PAX5: variants seen among roughly 807,000 people sequenced by gnomAD.
PAX5 encodes the protein paired box 5, also known as paired box protein Pax-5.
Under a neutral mutation model 43.7 loss-of-function variants are expected in PAX5, and 9 were observed. The ratio of observed to expected loss-of-function variants is 0.21; its 90% CI spans 0.12 to 0.36. The LOEUF is 0.36. Ranked by LOEUF, PAX5 falls within the 10% of genes least tolerant of loss-of-function variation. The pLI, the probability that PAX5 is intolerant of heterozygous loss-of-function variation, is 1.00. For synonymous variants in PAX5, 228 were observed against 214.3 expected (o/e 1.06, Z -0.56); for missense variants, 383 against 532.7 (o/e 0.72, Z 2.77).
Position 37,015,585 on chromosome 9 carries a change from T to C in PAX5, c.213-391A>G, listed in dbSNP as rs1839313075. On this transcript the variant is annotated intron_variant, in intron 2 of 9. Transcript: ENST00000358127. The surrounding 1 kb of genome is among the most constrained non-coding windows in gnomAD (Gnocchi z 4.4). ...CATACACAGCTCTCATAGTATTTCT[T>C]TTTTTTTTTTTCAGACGGAGTTTCG... 6.8e-6 allele frequency among the ~76,000 whole-genome samples: 1 copy of C among 146,230 alleles called. No homozygotes were observed. Among genetic ancestry groups the C allele is most frequent in the South Asian group, 2.2e-4 (1 of 4,528 alleles).
Position 36,840,534 on chromosome 9 carries a change from G to C in PAX5, c.*26C>G. On this transcript the variant is annotated 3_prime_UTR_variant, in exon 10 of 10. Transcript: ENST00000358127. ...GTCACCCTCAATAGGTGCCATCAGT[G>C]TTTGGTGCCCGCCTGGCTCCAAGGG... The C allele has an allele frequency of 6.4e-7, 1 of 1,568,272 alleles. No individual in the cohort carries two copies.
intron 6 of PAX5, among the ~76,000 whole-genome samples, chr9:36,939,307 G>T (rs1012608332): frequency 1.3e-5 from 2 of 152,124 alleles, no homozygotes; most frequent in African/African-American, 4.8e-5. Context: ...TTAAAGCCCT[G>T]GGGGATGCCC....
chr9:36,864,723 C>A (rs1010617732), intron 8 of PAX5, among the ~76,000 whole-genome samples: 1 of 152,222 alleles, frequency 6.6e-6, no homozygotes, highest in African/African-American at 2.4e-5. Context: ...CCCCTGGGAG[C>A]CTGCCGCCAG....
rs1821464836 is a variant in PAX5, at chr9:36,834,065, C to G, written c.*6495G>C. 8.6e-6 allele frequency: 2 copies of G among 233,130 alleles called. No homozygotes were observed. Among genetic ancestry groups the G allele is most frequent in the Non-Finnish European group, 1.7e-5 (2 of 118,014 alleles). The allele number at this position is 233,130 out of a possible 1,614,324, so 14.4% of individuals were successfully genotyped here. ...AATGTAATCTGCATTTCTACAAATA[C>G]TCAATGTCCAAGGCCACTAGAGGGT... On this transcript the variant is annotated 3_prime_UTR_variant, in exon 10 of 10. Coordinates refer to ENST00000358127, the MANE Select transcript of PAX5 (RefSeq NM_016734.3).
At chr9:36,983,816 C>T (rs763179418) in intron 5 of PAX5, among the ~76,000 whole-genome samples, 3 of 152,130 alleles carry the variant, frequency 2.0e-5, no homozygotes, top group Admixed American at 6.6e-5. Context: ...TTCCAAGGCG[C>T]CTCCAGTTCT....
intron 5 of PAX5, among the ~76,000 whole-genome samples, chr9:36,970,739 A>G (rs1161591088): frequency 6.6e-6 from 1 of 152,132 alleles, no homozygotes. Flanking sequence ...ATTGTTCTCC[A>G]GACACAGCCA....
chr9:36,981,185 G>GCC (rs55996619), intron 5 of PAX5, among the ~76,000 whole-genome samples: 176 of 106,448 alleles, frequency 1.7e-3, no homozygotes, highest in African/African-American at 3.3e-3. Context: ...AAACAGCAAA[G>GCC]CCCCCCCCCC....
At chr9:36,849,530 G>A (rs1005096377) in intron 8 of PAX5, among the ~76,000 whole-genome samples, 5 of 152,226 alleles carry the variant, frequency 3.3e-5, no homozygotes, top group Admixed American at 2.6e-4. Flanking sequence ...ATGAATGAAC[G>A]AATGAGACTC....
intron 2 of PAX5, among the ~76,000 whole-genome samples, chr9:37,017,572 G>A (rs1175534657): frequency 1.3e-5 from 2 of 152,222 alleles, no homozygotes; most frequent in African/African-American, 4.8e-5. Context: ...TCTCAGGGAA[G>A]GGGTTACAGA....
In PAX5 at chr9:36,837,481, C is replaced by T. The variant is rs570804240; in HGVS notation, c.*3079G>A. Reference sequence around the variant, plus strand: ...AGGGAAGAAGGCCCATGGAGAAATGCCCCAGGCCTTCTGCCACGATGCTGG... The same window carrying T: ...AGGGAAGAAGGCCCATGGAGAAATGTCCCAGGCCTTCTGCCACGATGCTGG... On this transcript the variant is annotated 3_prime_UTR_variant, in exon 10 of 10. Transcript: ENST00000358127. 8.6e-6 allele frequency: 2 copies of T among 233,280 alleles called. No homozygotes were observed. Among genetic ancestry groups the T allele is most frequent in the East Asian group, 6.0e-5 (1 of 16,588 alleles). The allele number at this position is 233,280 out of a possible 1,614,324, so 14.5% of individuals were successfully genotyped here. A position where few individuals can be genotyped will look rare whatever the true frequency, so the allele number is the denominator to read the frequency against.
intron 6 of PAX5, among the ~76,000 whole-genome samples, chr9:36,964,836 A>G (rs949852865): frequency 2.6e-5 from 4 of 152,174 alleles, no homozygotes; most frequent in Non-Finnish European, 5.9e-5. Context: ...GCCCAGCACC[A>G]TAACCATGTC....
intron 8 of PAX5, among the ~76,000 whole-genome samples, chr9:36,876,125 G>C (rs762523836): frequency 1.3e-5 from 2 of 152,220 alleles, no homozygotes; most frequent in African/African-American, 2.4e-5. Flanking sequence ...AGGTGCTGAG[G>C]TGGGAAGGAG....
chr9:36,923,245 AC>A (rs1830326385), intron 7 of PAX5, 109 bp downstream of exon 7: 1 of 1,414,898 alleles, frequency 7.1e-7, no homozygotes, highest in African/African-American at 1.4e-5. Context: ...CCTTGTTAAA[AC>A]AAAATTGGCC....
intron 1 of PAX5, among the ~76,000 whole-genome samples, chr9:37,021,400 G>C (rs1447476339): frequency 1.3e-5 from 2 of 152,086 alleles, no homozygotes; most frequent in Admixed American, 1.3e-4. Context: ...CCTTTAAGAA[G>C]GTGAGGTTGA....
At chr9:36,872,770 C>G (rs1001598878) in intron 8 of PAX5, among the ~76,000 whole-genome samples, 4 of 152,220 alleles carry the variant, frequency 2.6e-5, no homozygotes, top group Non-Finnish European at 4.4e-5. Context: ...CTCGTCCCCC[C>G]ACCCTATGAG....
chr9:36,838,899 T>C lies in PAX5; in HGVS notation c.*1661A>G, dbSNP rs1587714777. The C allele has an allele frequency of 4.3e-6, 1 of 233,334 alleles. No individual in the cohort carries two copies. The highest frequency in any genetic ancestry group is 6.0e-5 in the East Asian group (1 of 16,588). The allele number at this position is 233,334 out of a possible 1,614,324, so 14.5% of individuals were successfully genotyped here. On this transcript the variant is annotated 3_prime_UTR_variant, in exon 10 of 10. Coordinates refer to ENST00000358127, the MANE Select transcript of PAX5 (RefSeq NM_016734.3). ...ATGTGGCCAGGACCAGGACAAGACCTGCCTGGCCTGCTGATCCCAAGTCCA... is the reference window on the plus strand; with the variant it reads ...ATGTGGCCAGGACCAGGACAAGACCCGCCTGGCCTGCTGATCCCAAGTCCA...
intron 8 of PAX5, among the ~76,000 whole-genome samples, chr9:36,862,605 G>A (rs1407105183): frequency 1.3e-5 from 2 of 152,150 alleles, no homozygotes; most frequent in Non-Finnish European, 2.9e-5. Context: ...GAAAGGAAAA[G>A]CAACATAGGA....
intron 6 of PAX5, among the ~76,000 whole-genome samples, chr9:36,923,858 C>A (rs1830382029): frequency 6.6e-6 from 1 of 152,226 alleles, no homozygotes; most frequent in Non-Finnish European, 1.5e-5. Flanking sequence ...TAAGTGTCTT[C>A]TTGCCAAGAG....
chr9:36,937,053 C>T (rs765326662), intron 6 of PAX5, among the ~76,000 whole-genome samples: 5 of 152,146 alleles, frequency 3.3e-5, no homozygotes, highest in Non-Finnish European at 5.9e-5. Flanking sequence ...GAGAAGGCTG[C>T]AAAGGCAAGG....
Sources: allele counts gnomAD v4.1 joint callset (sites outside exome capture counted in the v4.1 genomes callset), GRCh38; gene constraint gnomAD v4.1.1; non-coding constraint Gnocchi (gnomAD v3.1); transcripts MANE v1.5; gene names NCBI Gene and HGNC (gene_info 2026-07-23, HGNC 2026-07-21).